The following PARP15 variants were observed in gnomAD, a reference collection of about 807,000 sequenced individuals.
The protein encoded by PARP15 is protein mono-ADP-ribosyltransferase PARP15.
Under a neutral mutation model 62.1 loss-of-function variants are expected in PARP15, and 50 were observed. The observed-to-expected ratio is 0.81, with a 90% CI of 0.64 to 1.02. The LOEUF (loss-of-function observed/expected upper bound fraction) is 1.02, where lower values mean the gene tolerates loss of function less well. Among genes scored for constraint, PARP15 ranks in the 50% least tolerant of loss-of-function variants. PARP15 has a pLI of 0.00. For synonymous variants in PARP15, 309 were observed against 293.1 expected (o/e 1.05, Z -0.55); for missense variants, 820 against 826.5 (o/e 0.99, Z 0.10).
intron 1 of PARP15, among the ~76,000 whole-genome samples, chr3:122,593,124 G>GTATGTATC (rs1559933519): frequency 7.5e-5 from 10 of 133,484 alleles, no homozygotes; most frequent in African/African-American, 1.1e-4. Context: ...ATCTATCTAT[G>GTATGTATC]TATCTATCTA....
At chr3:122,586,565 CTTATATTA>C (rs1301947803) in intron 1 of PARP15, among the ~76,000 whole-genome samples, 4 of 152,142 alleles carry the variant, frequency 2.6e-5, no homozygotes, top group Non-Finnish European at 5.9e-5. Context: ...TATTGTGGTT[CTTATATTA>C]TCCATTCTTA....
chr3:122,631,634 C>T (rs561357683), intron 9 of PARP15, among the ~76,000 whole-genome samples: 199 of 152,244 alleles, frequency 1.3e-3, no homozygotes, highest in South Asian at 0.013. Flanking sequence ...GCTTTCTCTA[C>T]TTGGTGTATA....
intron 2 of PARP15, among the ~76,000 whole-genome samples, chr3:122,607,710 A>G (rs907383542): frequency 6.6e-6 from 1 of 152,208 alleles, no homozygotes; most frequent in African/African-American, 2.4e-5. Flanking sequence ...GTGTCAACTC[A>G]TATTGGGGTT....
chr3:122,584,148 A>G (rs1933212523), intron 1 of PARP15, among the ~76,000 whole-genome samples: 1 of 152,216 alleles, frequency 6.6e-6, no homozygotes, highest in South Asian at 2.1e-4. Flanking sequence ...AATATTTTAG[A>G]TATCTTTTAA....
At chr3:122,589,795 G>A (rs1933729448) in intron 1 of PARP15, among the ~76,000 whole-genome samples, 1 of 151,476 alleles carries the variant, frequency 6.6e-6, no homozygotes, top group Non-Finnish European at 1.5e-5. Flanking sequence ...TATATGATTT[G>A]AAAATATTTT....
chr3:122,582,608 C>A (rs919655874), intron 1 of PARP15, among the ~76,000 whole-genome samples: 3 of 152,116 alleles, frequency 2.0e-5, no homozygotes, highest in African/African-American at 7.2e-5. Context: ...TCTTTAATTG[C>A]TGTTCAGATT....
intron 7 of PARP15, 105 bp from the exon 8 acceptor site, chr3:122,621,339 C>A: frequency 8.2e-7 from 1 of 1,224,028 alleles, no homozygotes; most frequent in Non-Finnish European, 1.1e-6. Flanking sequence ...TGAGACTGGG[C>A]TTCACAGCCT....
chr3:122,630,538 G>A (rs544678439), intron 9 of PARP15, among the ~76,000 whole-genome samples: 1 of 152,148 alleles, frequency 6.6e-6, no homozygotes, highest in African/African-American at 2.4e-5. Context: ...AAATAGCGAG[G>A]CATAGTGGCA....
chr3:122,592,928 A>G (rs188945461), intron 1 of PARP15, among the ~76,000 whole-genome samples: 2 of 152,180 alleles, frequency 1.3e-5, no homozygotes, highest in Admixed American at 6.5e-5. Context: ...TCTGACTCCA[A>G]TGTGTGTGCC....
chr3:122,610,642 T>G lies in PARP15; in HGVS notation c.455T>G (p.Phe152Cys). ...RETEEKVGNI[F>C]MTSGCNLDCK... ...ACAGAGGAAAAAGTAGGTAACATATTCATGACAAGCGGCTGCAATCTGGAC... is the reference window on the plus strand; with the variant it reads ...ACAGAGGAAAAAGTAGGTAACATATGCATGACAAGCGGCTGCAATCTGGAC... Residue 152 changes from phenylalanine (F) to cysteine (C), a missense_variant, in exon 3 of 12, where the codon TTC becomes TGC. By Grantham distance (205) the Phe-to-Cys change is radical (BLOSUM62 -2). Around this residue, in one of 3 missense-constraint regions of PARP15, gnomAD observed 731 missense variants for 727.7 expected, o/e 1.00. Coordinates refer to ENST00000464300, the MANE Select transcript of PARP15 (RefSeq NM_001113523.3). 1 of 1,551,574 alleles carries G rather than the reference T, an allele frequency of 6.4e-7. No homozygotes were observed. The highest frequency in any genetic ancestry group is 8.7e-7 in the Non-Finnish European group (1 of 1,146,914).
intron 9 of PARP15, among the ~76,000 whole-genome samples, chr3:122,627,425 C>T (rs1936806438): frequency 1.3e-5 from 2 of 152,136 alleles, no homozygotes; most frequent in South Asian, 4.1e-4. Flanking sequence ...GACATGTTAG[C>T]CTGGAATAGA....
chr3:122,598,467 A>G (rs1464036052), intron 1 of PARP15, among the ~76,000 whole-genome samples: 1 of 152,114 alleles, frequency 6.6e-6, no homozygotes, highest in Non-Finnish European at 1.5e-5. Flanking sequence ...CTCCTGTCAG[A>G]CACTACAGTC....
At chr3:122,622,703 TC>T (rs1281080564) in intron 8 of PARP15, among the ~76,000 whole-genome samples, 1 of 152,198 alleles carries the variant, frequency 6.6e-6, no homozygotes, top group African/African-American at 2.4e-5. Flanking sequence ...GCTCACAGTT[TC>T]TAGGAACGCT....
intron 1 of PARP15, 96 bp from the exon 2 acceptor site, chr3:122,605,840 C>T: frequency 1.5e-6 from 2 of 1,308,954 alleles, no homozygotes. Context: ...CCTAGTCTTC[C>T]AAAGTGCTGA....
intron 4 of PARP15, chr3:122,614,981 G>T: frequency 1.3e-6 from 1 of 776,276 alleles, no homozygotes; most frequent in Non-Finnish European, 1.5e-6. Flanking sequence ...AGTGAGTCAA[G>T]ATCATGCCAC....
chr3:122,582,176 T>TA (rs779700289), intron 1 of PARP15, among the ~76,000 whole-genome samples: 113 of 103,204 alleles, frequency 1.1e-3, no homozygotes, highest in Non-Finnish European at 1.8e-3. Flanking sequence ...GAATGATATT[T>TA]CCTTTTTTTT....
chr3:122,616,268 C>CAA (rs1935962499), intron 5 of PARP15, among the ~76,000 whole-genome samples: 1 of 150,972 alleles, frequency 6.6e-6, no homozygotes, highest in Non-Finnish European at 1.5e-5. Flanking sequence ...TTGTAAGCCT[C>CAA]AGAGTGTGGA....
chr3:122,604,735 C>G (rs1001410858), intron 1 of PARP15, among the ~76,000 whole-genome samples: 1 of 152,122 alleles, frequency 6.6e-6, no homozygotes, highest in African/African-American at 2.4e-5. Context: ...GTGGCGAGTG[C>G]CTGTAATCCC....
intron 1 of PARP15, among the ~76,000 whole-genome samples, chr3:122,587,104 G>C (rs34947083): frequency 7.2e-6 from 1 of 139,144 alleles, no homozygotes; most frequent in Non-Finnish European, 1.5e-5. Context: ...CTCTGTGTTT[G>C]TGTGTGTGTG....
Sources: gnomAD v4.1 joint callset for allele counts (sites outside exome capture counted in the v4.1 genomes callset) on GRCh38, gnomAD v4.1.1 for gene constraint, gnomAD v4.1.1 regional missense constraint, MANE v1.5 for transcripts, NCBI Gene and HGNC (gene_info 2026-07-23, HGNC 2026-07-21) for gene names.